The following RARB variants were observed in gnomAD, a reference collection of about 807,000 sequenced individuals.
RARB encodes retinoic acid receptor beta, also known as HBV-activated protein.
RARB carries 17 observed loss-of-function variants against 51.9 expected under a neutral mutation model. The ratio of observed to expected loss-of-function variants is 0.33; its 90% CI spans 0.22 to 0.49. The LOEUF (loss-of-function observed/expected upper bound fraction) is 0.49, where lower values mean the gene tolerates loss of function less well. Among genes scored for constraint, RARB ranks in the 20% least tolerant of loss-of-function variants. The pLI is 0.99. For synonymous variants in RARB, 215 were observed against 195.4 expected, an observed-to-expected ratio of 1.10 and a Z score of -0.84; for missense variants, 369 against 550.8, an observed-to-expected ratio of 0.67 and a Z score of 3.30.
rs553626443 is a variant in RARB, at chr3:25,515,111, G to A, written c.448+13788G>A. Among the ~76,000 whole-genome samples the A allele has an allele frequency of 1.4e-4, 21 of 152,296 alleles. 1 individual carries two copies. The South Asian group carries it at 3.5e-3, about 26-fold the overall frequency. On this transcript the variant is annotated intron_variant, in intron 3 of 7. Coordinates refer to ENST00000330688, the MANE Select transcript of RARB (RefSeq NM_000965.5). ...AGATGGCCTTCCCCACATTCTTAAG[G>A]ATAATAACGGTGTCCAGGTCTATGG...
intron 5 of RARB, among the ~76,000 whole-genome samples, chr3:25,412,213 T>C (rs1363269603): frequency 1.3e-5 from 2 of 152,246 alleles, no homozygotes; most frequent in East Asian, 3.8e-4. Context: ...TTTTCTTTTG[T>C]CTTCCTTTTT....
intron 3 of RARB, among the ~76,000 whole-genome samples, chr3:25,063,172 A>G (rs1366169301): frequency 6.6e-6 from 1 of 152,030 alleles, no homozygotes; most frequent in Non-Finnish European, 1.5e-5. Flanking sequence ...GGTTTTCCCC[A>G]GCAAATACAA....
chr3:24,931,724 A>G (rs1344617205), intron 2 of RARB, among the ~76,000 whole-genome samples: 1 of 152,108 alleles, frequency 6.6e-6, no homozygotes, highest in East Asian at 1.9e-4. Flanking sequence ...GTTTATGGCA[A>G]TTTCATAGTC....
At chr3:24,946,903 G>T (rs1420001610) in intron 2 of RARB, among the ~76,000 whole-genome samples, 2 of 152,116 alleles carry the variant, frequency 1.3e-5, no homozygotes, top group Non-Finnish European at 2.9e-5. Context: ...GGAAAAAACA[G>T]AACAGACCAC....
intron 3 of RARB, among the ~76,000 whole-genome samples, chr3:25,557,428 A>G (rs945937060): frequency 6.6e-6 from 1 of 152,162 alleles, no homozygotes; most frequent in African/African-American, 2.4e-5. Flanking sequence ...GCAGCCTATC[A>G]CTTCTCTGGA....
intron 3 of RARB, among the ~76,000 whole-genome samples, chr3:25,095,509 T>C (rs1699278208): frequency 6.6e-6 from 1 of 152,100 alleles, no homozygotes; most frequent in Admixed American, 6.6e-5. Context: ...TGGCCATACA[T>C]CCTCCCAACA....
intron 5 of RARB, among the ~76,000 whole-genome samples, chr3:25,366,423 T>C (rs1263510141): frequency 6.6e-6 from 1 of 152,196 alleles, no homozygotes; most frequent in African/African-American, 2.4e-5. Flanking sequence ...GCACAACAAT[T>C]GCAATTAAGT....
chr3:25,098,312 G>A (rs139011210), intron 3 of RARB, among the ~76,000 whole-genome samples: 1 of 152,130 alleles, frequency 6.6e-6, no homozygotes. Context: ...GCTCTCACTG[G>A]TCAGCATCCC....
chr3:24,943,846 T>C (rs1242948477), intron 2 of RARB, among the ~76,000 whole-genome samples: 2 of 152,326 alleles, frequency 1.3e-5, no homozygotes, highest in Non-Finnish European at 2.9e-5. Flanking sequence ...AGGTCAATTG[T>C]CATGGTCATT....
chr3:25,152,711 G>A (rs1700309297), intron 4 of RARB, among the ~76,000 whole-genome samples: 1 of 152,118 alleles, frequency 6.6e-6, no homozygotes, highest in Non-Finnish European at 1.5e-5. Context: ...CTACATATTA[G>A]ACTCTACATA....
chr3:25,448,874 C>T (rs985084481), intron 1 of RARB, among the ~76,000 whole-genome samples: 2 of 152,092 alleles, frequency 1.3e-5, no homozygotes, highest in African/African-American at 4.8e-5. Context: ...TCAAGTTACT[C>T]CTCTCACCCC....
chr3:24,910,367 A>C (rs4568101), intron 2 of RARB, among the ~76,000 whole-genome samples: 96,022 of 151,964 alleles, frequency 0.63, 30,782 homozygotes, highest in Non-Finnish European at 0.66. Flanking sequence ...CTTCTTACCC[A>C]AAACCCACTA....
intron 5 of RARB, among the ~76,000 whole-genome samples, chr3:25,237,276 C>A (rs1400812560): frequency 6.6e-6 from 1 of 152,092 alleles, no homozygotes; most frequent in African/African-American, 2.4e-5. Context: ...ATTTATTAGA[C>A]AACCCCAAAG....
chr3:24,914,396 G>C (rs534269428), intron 2 of RARB, among the ~76,000 whole-genome samples: 66 of 152,256 alleles, frequency 4.3e-4, no homozygotes, highest in African/African-American at 1.5e-3. Flanking sequence ...AGACAGGTAT[G>C]CCCTCTCAGA....
At chr3:25,046,657 G>A (rs1314759567) in intron 2 of RARB, among the ~76,000 whole-genome samples, 2 of 151,996 alleles carry the variant, frequency 1.3e-5, no homozygotes, top group Non-Finnish European at 2.9e-5. Flanking sequence ...GTTTCACCAT[G>A]TTGGTCAGGC....
intron 5 of RARB, among the ~76,000 whole-genome samples, chr3:25,356,257 A>T (rs933279395): frequency 3.3e-5 from 5 of 152,248 alleles, no homozygotes; most frequent in Middle Eastern, 6.8e-3. Context: ...GAGATCCACC[A>T]AAGCTGAAGT....
chr3:25,354,015 C>T (rs946766534), intron 5 of RARB, among the ~76,000 whole-genome samples: 1 of 151,908 alleles, frequency 6.6e-6, no homozygotes, highest in African/African-American at 2.4e-5. Flanking sequence ...AAGACCCTCT[C>T]CCCATTCCTT....
chr3:25,566,873 G>C (rs1164543415), intron 3 of RARB, among the ~76,000 whole-genome samples: 1 of 152,138 alleles, frequency 6.6e-6, no homozygotes, highest in Non-Finnish European at 1.5e-5. Context: ...TTTCAAACAT[G>C]GTATTGTTGG....
intron 4 of RARB, among the ~76,000 whole-genome samples, chr3:25,153,058 C>T (rs1700316697): frequency 2.6e-5 from 4 of 152,162 alleles, no homozygotes; most frequent in Admixed American, 2.0e-4. Flanking sequence ...GATAAGCACT[C>T]TTCATTACTA....
Sources: allele counts gnomAD v4.1 joint callset (sites outside exome capture counted in the v4.1 genomes callset), GRCh38; gene constraint gnomAD v4.1.1; transcripts MANE v1.5; gene names NCBI Gene and HGNC (gene_info 2026-07-23, HGNC 2026-07-21).